LRRTM4: variants seen among roughly 807,000 people sequenced by gnomAD.
LRRTM4 encodes leucine-rich repeat transmembrane neuronal protein 4.
A neutral mutation model predicts 47.6 loss-of-function variants in LRRTM4; 25 were observed. The observed-to-expected ratio is 0.53, with a 90% confidence interval of 0.38 to 0.73. The LOEUF (loss-of-function observed/expected upper bound fraction) is 0.73. Ranked by LOEUF, LRRTM4 falls within the 30% of genes least tolerant of loss-of-function variation. The probability of loss-of-function intolerance (pLI) is 0.00; values close to 1 mark genes in which losing one functional copy is unlikely to be tolerated. For missense variants in LRRTM4, 638 were observed against 713.4 expected (o/e 0.89, Z 1.20); for synonymous variants, 311 against 269.5 (o/e 1.15, Z -1.51).
chr2:76,782,272 A>C (rs1473574717), intron 3 of LRRTM4, among the ~76,000 whole-genome samples: 1 of 152,134 alleles, frequency 6.6e-6, no homozygotes, highest in Admixed American at 6.5e-5. Context: ...CACTGGATTC[A>C]TTTATCTTGA....
chr2:76,775,841 T>C (rs1314138027), intron 3 of LRRTM4, among the ~76,000 whole-genome samples: 2 of 152,182 alleles, frequency 1.3e-5, no homozygotes, highest in Non-Finnish European at 2.9e-5. Context: ...TGTGCCATGC[T>C]GGTGCGCTGC....
At chr2:76,899,061 C>G (rs1287672445) in intron 3 of LRRTM4, among the ~76,000 whole-genome samples, 1 of 151,926 alleles carries the variant, frequency 6.6e-6, no homozygotes, top group African/African-American at 2.4e-5. Context: ...GTAAGCTACA[C>G]AGTTGAAGAA....
At chr2:77,355,233 A>T (rs1171325796) in intron 3 of LRRTM4, among the ~76,000 whole-genome samples, 1 of 152,168 alleles carries the variant, frequency 6.6e-6, no homozygotes, top group Non-Finnish European at 1.5e-5. Context: ...CACCCCTCAT[A>T]ATTCCAGTTC....
chr2:76,952,393 C>T (rs905934953), intron 3 of LRRTM4, among the ~76,000 whole-genome samples: 18 of 151,858 alleles, frequency 1.2e-4, no homozygotes, highest in African/African-American at 4.1e-4. Context: ...CATGAACAGA[C>T]ATTTCTCAAA....
At chr2:77,476,803 C>T (rs530594778) in intron 3 of LRRTM4, among the ~76,000 whole-genome samples, 3 of 151,828 alleles carry the variant, frequency 2.0e-5, no homozygotes, top group Admixed American at 2.0e-4. Flanking sequence ...TAGTATTAGA[C>T]TGGAAAAAAA....
chr2:77,036,036 G>A (rs1678824728), intron 3 of LRRTM4, among the ~76,000 whole-genome samples: 1 of 151,796 alleles, frequency 6.6e-6, no homozygotes, highest in Non-Finnish European at 1.5e-5. Flanking sequence ...TATTCCCACA[G>A]TGATGTGGAT....
chr2:77,049,643 T>A (rs1480143547), intron 3 of LRRTM4, among the ~76,000 whole-genome samples: 1 of 151,838 alleles, frequency 6.6e-6, no homozygotes, highest in African/African-American at 2.4e-5. Flanking sequence ...TTAAATTAAT[T>A]TTTTTGTTGT....
intron 3 of LRRTM4, among the ~76,000 whole-genome samples, chr2:77,037,140 A>C (rs1678864308): frequency 6.6e-6 from 1 of 151,752 alleles, no homozygotes; most frequent in African/African-American, 2.4e-5. Context: ...GGCTGTAATC[A>C]TTTAGTTCAC....
chr2:77,403,528 A>G (rs943378963), intron 3 of LRRTM4, among the ~76,000 whole-genome samples: 2 of 151,828 alleles, frequency 1.3e-5, no homozygotes, highest in African/African-American at 4.8e-5. Context: ...ATATAAACAT[A>G]TATTTAAAAA....
intron 3 of LRRTM4, among the ~76,000 whole-genome samples, chr2:77,260,319 A>G (rs922027023): frequency 1.3e-5 from 2 of 151,194 alleles, no homozygotes; most frequent in Non-Finnish European, 2.9e-5. Flanking sequence ...CCTGCATTAG[A>G]TTTTCTCTAA....
At chr2:76,972,572 C>A (rs1469984298) in intron 3 of LRRTM4, among the ~76,000 whole-genome samples, 1 of 151,712 alleles carries the variant, frequency 6.6e-6, no homozygotes, top group Non-Finnish European at 1.5e-5. Context: ...TGTGCGCCAC[C>A]ACACCTGGCT....
chr2:76,936,668 C>T (rs964493688), intron 3 of LRRTM4, among the ~76,000 whole-genome samples: 9 of 150,846 alleles, frequency 6.0e-5, no homozygotes, highest in African/African-American at 1.9e-4. Context: ...TTCAAAGATC[C>T]ACCTGGCCGG....
At chr2:77,355,627 A>G (rs112819143) in intron 3 of LRRTM4, among the ~76,000 whole-genome samples, 2,488 of 152,302 alleles carry the variant, frequency 0.016, 79 homozygotes, top group African/African-American at 0.056. Flanking sequence ...GAATAAAGCT[A>G]AAAAGAGAAA....
chr2:77,487,322 C>T (rs1677957340), intron 3 of LRRTM4, among the ~76,000 whole-genome samples: 1 of 152,222 alleles, frequency 6.6e-6, no homozygotes, highest in Non-Finnish European at 1.5e-5. Context: ...AGTACCTGCT[C>T]CCACTGCCTG....
intron 3 of LRRTM4, among the ~76,000 whole-genome samples, chr2:77,055,898 G>C (rs1679588161): frequency 6.6e-6 from 1 of 151,556 alleles, no homozygotes; most frequent in Admixed American, 6.6e-5. Flanking sequence ...TAGGGACATG[G>C]ATGAAATTGG....
chr2:77,386,016 C>G (rs1415850830), intron 3 of LRRTM4, among the ~76,000 whole-genome samples: 1 of 151,940 alleles, frequency 6.6e-6, no homozygotes, highest in Non-Finnish European at 1.5e-5. Flanking sequence ...CTCGGCCTCC[C>G]AAAGTGCTGG....
At chr2:77,201,028 T>C (rs1673959851) in intron 3 of LRRTM4, among the ~76,000 whole-genome samples, 1 of 152,134 alleles carries the variant, frequency 6.6e-6, no homozygotes, top group Non-Finnish European at 1.5e-5. Flanking sequence ...CCAGTTATGG[T>C]GTAAATATAC....
At chr2:76,794,894 T>G (rs890029748) in intron 3 of LRRTM4, among the ~76,000 whole-genome samples, 6 of 152,030 alleles carry the variant, frequency 3.9e-5, no homozygotes, top group Admixed American at 3.9e-4. Context: ...AGAACCACAG[T>G]TGTAGAAAAA....
intron 3 of LRRTM4, among the ~76,000 whole-genome samples, chr2:76,767,599 C>A (rs1573068566): frequency 6.6e-6 from 1 of 152,232 alleles, no homozygotes; most frequent in Middle Eastern, 3.4e-3. Flanking sequence ...GTTTATCATC[C>A]AAGTGTGAAT....
Sources: allele counts gnomAD v4.1 joint callset (sites outside exome capture counted in the v4.1 genomes callset), GRCh38; gene constraint gnomAD v4.1.1; transcripts MANE v1.5; gene names NCBI Gene and HGNC (gene_info 2026-07-23, HGNC 2026-07-21).